RPAP2: variants seen among roughly 807,000 people sequenced by gnomAD.
RPAP2 encodes RNA polymerase II associated protein 2.
Under a neutral mutation model 73.1 loss-of-function variants are expected in RPAP2, and 52 were observed. The ratio of observed to expected loss-of-function variants is 0.71; its 90% CI spans 0.57 to 0.90. RPAP2 has a LOEUF of 0.90. Among genes scored for constraint, RPAP2 ranks in the 40% least tolerant of loss-of-function variants. The pLI, the probability that RPAP2 is intolerant of heterozygous loss-of-function variation, is 0.00. For missense variants in RPAP2, 598 were observed against 701.8 expected, an observed-to-expected ratio of 0.85 and a Z score of 1.67; for synonymous variants, 225 against 242.1, an observed-to-expected ratio of 0.93 and a Z score of 0.65.
At position 92,393,887 on chromosome 1, in the gene RPAP2, A is replaced by C. The variant is rs924316673; in HGVS notation, c.*6876A>C. ...TTTTACACTGTTGGTGGGAGTGCAA[A>C]TTAGTCCGACCATTGTGGAAGTCAG... is the stretch of plus-strand genomic sequence containing the variant. On this transcript the variant is annotated 3_prime_UTR_variant, in exon 13 of 13. Coordinates refer to ENST00000610020, the MANE Select transcript of RPAP2 (RefSeq NM_024813.3). 2 of 152,206 alleles carry C rather than the reference A, an allele frequency of 1.3e-5. No homozygotes were observed. Among genetic ancestry groups the C allele is most frequent in the Admixed American group, 6.5e-5 (1 of 15,288 alleles). The allele number at this position is 152,206 out of a possible 1,614,324, so 9.4% of individuals were successfully genotyped here.
chr1:92,363,793 A>T lies in RPAP2; in HGVS notation c.1689-16931A>T, dbSNP rs557544826. 800 of 285,326 alleles carry T rather than the reference A, an allele frequency of 2.8e-3. 7 individuals are homozygous for T. Among genetic ancestry groups the T allele is most frequent in the South Asian group, 7.7e-3 (213 of 27,648 alleles). 17.7% of individuals were successfully genotyped at this position (285,326 alleles called of 1,614,324 possible). A position where few individuals can be genotyped will look rare whatever the true frequency, so the allele number is the denominator to read the frequency against. On this transcript the variant is annotated intron_variant, in intron 11 of 12. Transcript: ENST00000610020. The stretch of plus-strand genomic sequence containing the variant: ...ATAGTAAATATATTTTCTCTTCTTT[A>T]TGATTTGCTTAACATTTTTTTTCCT...
intron 8 of RPAP2, among the ~76,000 whole-genome samples, chr1:92,328,475 G>A (rs1652774316): frequency 6.6e-6 from 1 of 152,096 alleles, no homozygotes. Context: ...CTCTAAGTAT[G>A]TCCTTCATTT....
rs1202528088 is a variant in RPAP2, at chr1:92,305,450, A to AAAAAAAAAAAC, written c.399+1102_399+1103insAAAAAAAAACA. On this transcript the variant is annotated intron_variant, in intron 5 of 12. Transcript: ENST00000610020. Reference sequence around the variant, plus strand: ...TCCGTCTCAAAAAAAAAAAAAAAAAAAGACAATATGGGAAGATATAAACTT... The same window carrying AAAAAAAAAAAC: ...TCCGTCTCAAAAAAAAAAAAAAAAAAAAAAAAAAAACAGACAATATGGGAAGATATAAACTT... Among the ~76,000 whole-genome samples the AAAAAAAAAAAC allele has an allele frequency of 1.0e-3, 145 of 141,898 alleles. 13 individuals carry two copies. The highest frequency in any genetic ancestry group is 4.1e-3 in the African/African-American group (137 of 33,826). The allele number at this position is 141,898 out of a possible 152,430, so 93.1% of individuals were successfully genotyped here. A position where few individuals can be genotyped will look rare whatever the true frequency, so the allele number is the denominator to read the frequency against.
At chr1:92,329,053 G>T (rs1021818821) in intron 8 of RPAP2, among the ~76,000 whole-genome samples, 23 of 152,184 alleles carry the variant, frequency 1.5e-4, no homozygotes, top group African/African-American at 5.3e-4. Flanking sequence ...GGAGTGAAGT[G>T]GACTCTGTGA....
chr1:92,373,739 T>TAAAAAAAAAAAAAAAAAAAAAAAAA (rs59586077), intron 11 of RPAP2, among the ~76,000 whole-genome samples: 1 of 80,484 alleles, frequency 1.2e-5, no homozygotes, highest in Non-Finnish European at 2.5e-5. Context: ...CTACTAAAAA[T>TAAAAAAAAAAAAAAAAAAAAAAAAA]AAAAAAAAAA....
At chr1:92,307,935 A>G (rs1651349107) in intron 6 of RPAP2, among the ~76,000 whole-genome samples, 1 of 152,196 alleles carries the variant, frequency 6.6e-6, no homozygotes, top group African/African-American at 2.4e-5. Flanking sequence ...GCTTAATGAG[A>G]TAATGCCCAA....
In RPAP2 at chr1:92,299,084, T is replaced by C. The variant is rs1487699223; in HGVS notation, c.11T>C (p.Phe4Ser). ...AGACTACTCTCCCCCATGGCGGACT[T>C]CGCTGGGCCGTCTTCTGCCGGCCGC... MADFAGPSSAGRKA... is the reference protein window; with the variant it reads MADSAGPSSAGRKA... The change falls in exon 1 of 13, where the codon TTC becomes TCC. Residue 4 changes from phenylalanine to serine, a missense_variant. Physicochemically the swap from Phe to Ser is radical, Grantham distance 155. Around this residue, in one of 3 missense-constraint regions of RPAP2, gnomAD observed 77 missense variants for 55.7 expected, o/e 1.38. Transcript: ENST00000610020. The C allele has an allele frequency of 3.3e-6, 5 of 1,514,504 alleles. 1 individual carries two copies. The South Asian group carries it at 6.3e-5, about 19-fold the overall frequency. The allele number at this position is 1,514,504 out of a possible 1,614,324, so 93.8% of individuals were successfully genotyped here. A position where few individuals can be genotyped will look rare whatever the true frequency, so the allele number is the denominator to read the frequency against.
chr1:92,356,167 G>A (rs767175852), intron 11 of RPAP2, among the ~76,000 whole-genome samples: 11 of 151,392 alleles, frequency 7.3e-5, no homozygotes, highest in Admixed American at 6.6e-5. Flanking sequence ...TAGTAGAGAC[G>A]GGGTTTCACC....
chr1:92,327,403 T>C lies in RPAP2; in HGVS notation c.1455+3028T>C, dbSNP rs554800245. On this transcript the variant is annotated intron_variant, in intron 8 of 12. Coordinates refer to ENST00000610020, the MANE Select transcript of RPAP2 (RefSeq NM_024813.3). ...TCCTATTGGACTAGTCCTTTTATCA[T>C]TGTATAATGTCCCTCTTTGTCTTTT... Among the ~76,000 whole-genome samples the C allele has an allele frequency of 2.6e-4, 40 of 152,382 alleles. 1 individual carries two copies. Among genetic ancestry groups the C allele is most frequent in the African/African-American group, 9.4e-4 (39 of 41,600 alleles).
chr1:92,327,744 A>AT (rs1401766422), intron 8 of RPAP2, among the ~76,000 whole-genome samples: 3 of 148,896 alleles, frequency 2.0e-5, no homozygotes, highest in Non-Finnish European at 4.5e-5. Flanking sequence ...TTATTGTTTT[A>AT]TAGGTCCTGT....
chr1:92,341,382 T>C (rs1557612537), intron 10 of RPAP2, among the ~76,000 whole-genome samples: 1 of 152,172 alleles, frequency 6.6e-6, no homozygotes, highest in Non-Finnish European at 1.5e-5. Context: ...CAAACAATAG[T>C]AAATACATTC....
intron 9 of RPAP2, among the ~76,000 whole-genome samples, chr1:92,334,390 T>C (rs1237896167): frequency 6.6e-6 from 1 of 152,182 alleles, no homozygotes. Context: ...AAATAAAATA[T>C]GTTGTATATT....
At chr1:92,343,608 A>T in intron 10 of RPAP2, among the ~76,000 whole-genome samples, 1 of 152,182 alleles carries the variant, frequency 6.6e-6, no homozygotes, top group East Asian at 1.9e-4. Flanking sequence ...TTTAAAGAAA[A>T]CATTATAATT....
chr1:92,385,914 G>T (rs1655848150), intron 12 of RPAP2, among the ~76,000 whole-genome samples: 1 of 152,170 alleles, frequency 6.6e-6, no homozygotes, highest in Admixed American at 6.5e-5. Context: ...GTCACCTGAA[G>T]GCTAGAATGG....
intron 11 of RPAP2, among the ~76,000 whole-genome samples, chr1:92,373,733 TAAAAATAAAAAAA>T (rs1233712186): frequency 0.016 from 646 of 40,874 alleles, 14 homozygotes; most frequent in African/African-American, 0.059. Context: ...CCGTCTCTAC[TAAAAATAAAAAAA>T]AAAAAAAAAA....
chr1:92,372,887 C>T (rs1655211144), intron 11 of RPAP2, among the ~76,000 whole-genome samples: 1 of 152,160 alleles, frequency 6.6e-6, no homozygotes. Context: ...TGCACTACAG[C>T]CAGAGTGACA....
At chr1:92,305,160 C>A (rs1227759094) in intron 5 of RPAP2, among the ~76,000 whole-genome samples, 1 of 149,994 alleles carries the variant, frequency 6.7e-6, no homozygotes, top group Non-Finnish European at 1.5e-5. Flanking sequence ...AGACCGGGCG[C>A]CCTGGCTCAA....
intron 11 of RPAP2, among the ~76,000 whole-genome samples, chr1:92,370,622 G>A (rs921771007): frequency 6.6e-6 from 1 of 151,768 alleles, no homozygotes; most frequent in Non-Finnish European, 1.5e-5. Flanking sequence ...AAATCATGTA[G>A]GTAGTTTATT....
Position 92,339,164 on chromosome 1 carries a change from T to A in RPAP2, c.1619+2737T>A, listed in dbSNP as rs185159790. On this transcript the variant is annotated intron_variant, in intron 10 of 12. Coordinates refer to ENST00000610020, the MANE Select transcript of RPAP2 (RefSeq NM_024813.3). The stretch of plus-strand genomic sequence containing the variant: ...ATTTGATGTCTCTTTTTTAAAAAAC[T>A]ATTCTGAGGTTCTCAAAAGTTACTA... Among the ~76,000 whole-genome samples the A allele has an allele frequency of 5.3e-5, 8 of 152,252 alleles. No individual in the cohort carries two copies. The East Asian group carries it at 1.5e-3, about 29-fold the overall frequency.
Sources: gnomAD v4.1 joint callset for allele counts (sites outside exome capture counted in the v4.1 genomes callset) on GRCh38, gnomAD v4.1.1 for gene constraint, gnomAD v4.1.1 regional missense constraint, MANE v1.5 for transcripts, NCBI Gene and HGNC (gene_info 2026-07-23, HGNC 2026-07-21) for gene names.